The following SUGCT variants were observed in gnomAD, a reference collection of about 807,000 sequenced individuals.
The protein encoded by SUGCT is succinyl-CoA:glutarate-CoA transferase, also known as succinyl-CoA:glutarate CoA-transferase.
Under a neutral mutation model 55.0 loss-of-function variants are expected in SUGCT, and 41 were observed. The ratio of observed to expected loss-of-function variants is 0.74; its 90% CI spans 0.58 to 0.97. The LOEUF (loss-of-function observed/expected upper bound fraction) is 0.97, where lower values mean the gene tolerates loss of function less well. Among genes scored for constraint, SUGCT ranks in the 50% least tolerant of loss-of-function variants. The pLI is 0.00. For missense variants in SUGCT, 568 were observed against 547.8 expected (o/e 1.04, Z -0.37); for synonymous variants, 187 against 200.4 (o/e 0.93, Z 0.56).
At chr7:40,337,553 A>C (rs531347666) in intron 9 of SUGCT, among the ~76,000 whole-genome samples, 28 of 152,222 alleles carry the variant, frequency 1.8e-4, no homozygotes, top group East Asian at 7.7e-4. Flanking sequence ...CTGTTTTATC[A>C]GAGACTAGGA....
chr7:40,354,472 G>T (rs1315624644), intron 9 of SUGCT, among the ~76,000 whole-genome samples: 1 of 152,218 alleles, frequency 6.6e-6, no homozygotes, highest in African/African-American at 2.4e-5. Context: ...CTACCTGGCT[G>T]CTTCTTGAGA....
At chr7:40,981,159 G>A in the SUGCT span, among the ~76,000 whole-genome samples, 1 of 152,152 alleles carries the variant, frequency 6.6e-6, no homozygotes, top group Non-Finnish European at 1.5e-5. Flanking sequence ...TTACGTGGAG[G>A]CAGCCTTGCA....
chr7:40,175,711 A>G (rs956273118), intron 1 of SUGCT, among the ~76,000 whole-genome samples: 1 of 151,926 alleles, frequency 6.6e-6, no homozygotes, highest in Non-Finnish European at 1.5e-5. Flanking sequence ...CTGGGCCATA[A>G]ACAGTGAGAT....
intron 12 of SUGCT, among the ~76,000 whole-genome samples, chr7:40,748,263 A>G (rs1279849643): frequency 6.6e-6 from 1 of 152,178 alleles, no homozygotes; most frequent in African/African-American, 2.4e-5. Context: ...GGTTTAGAAT[A>G]AAGATAGTAT....
At chr7:40,252,264 G>T (rs1244804851) in intron 7 of SUGCT, among the ~76,000 whole-genome samples, 1 of 151,546 alleles carries the variant, frequency 6.6e-6, no homozygotes, top group South Asian at 2.1e-4. Context: ...GGTAGCTGGG[G>T]TATAGGCATG....
At chr7:40,770,131 C>T (rs1789016122) in intron 13 of SUGCT, among the ~76,000 whole-genome samples, 1 of 152,116 alleles carries the variant, frequency 6.6e-6, no homozygotes, top group South Asian at 2.1e-4. Context: ...TGTCAAGTTT[C>T]TTGAAAACAC....
chr7:40,962,040 A>G, the SUGCT span, among the ~76,000 whole-genome samples: 2 of 152,086 alleles, frequency 1.3e-5, no homozygotes, highest in Non-Finnish European at 2.9e-5. Flanking sequence ...GCCTGCTTTT[A>G]TTCCCTTATT....
At chr7:40,383,420 A>G (rs1413776371) in intron 9 of SUGCT, among the ~76,000 whole-genome samples, 1 of 152,214 alleles carries the variant, frequency 6.6e-6, no homozygotes. Context: ...AGACATAGGA[A>G]CATCAGAACA....
chr7:40,492,969 T>C (rs1307951084), intron 11 of SUGCT, among the ~76,000 whole-genome samples: 1 of 152,152 alleles, frequency 6.6e-6, no homozygotes, highest in Non-Finnish European at 1.5e-5. Context: ...TGAATGTGTA[T>C]CAATGTAATA....
intron 13 of SUGCT, among the ~76,000 whole-genome samples, chr7:40,846,386 AAAC>A (rs781316809): frequency 6.7e-6 from 1 of 148,360 alleles, no homozygotes; most frequent in African/African-American, 2.5e-5. Context: ...AAAAAAAAAA[AAAC>A]AGTCAGGAGA....
chr7:40,829,653 G>T (rs1403848698), intron 13 of SUGCT, among the ~76,000 whole-genome samples: 1 of 152,158 alleles, frequency 6.6e-6, no homozygotes, highest in Non-Finnish European at 1.5e-5. Context: ...CACTTTCCAT[G>T]CATGGAGTGG....
the SUGCT span, among the ~76,000 whole-genome samples, chr7:41,030,185 C>CGTT: frequency 1.3e-5 from 2 of 151,870 alleles, no homozygotes; most frequent in Non-Finnish European, 2.9e-5. Flanking sequence ...CACTTTTTGT[C>CGTT]AGTTATGAAT....
intron 12 of SUGCT, among the ~76,000 whole-genome samples, chr7:40,618,995 GA>G (rs1799141247): frequency 6.6e-6 from 1 of 152,128 alleles, no homozygotes; most frequent in South Asian, 2.1e-4. Context: ...AGAATGTGCT[GA>G]AAACCCACCG....
chr7:41,033,760 G>A, the SUGCT span, among the ~76,000 whole-genome samples: 1 of 152,064 alleles, frequency 6.6e-6, no homozygotes, highest in African/African-American at 2.4e-5. Flanking sequence ...TGACTCAGGG[G>A]GTTCCTGAGT....
At chr7:40,436,536 C>CT (rs773544517) in intron 9 of SUGCT, among the ~76,000 whole-genome samples, 3 of 151,968 alleles carry the variant, frequency 2.0e-5, no homozygotes, top group African/African-American at 7.3e-5. Flanking sequence ...TGATTCTTTG[C>CT]TTGTAGGTAG....
chr7:40,532,297 A>G (rs1013098092), intron 12 of SUGCT, among the ~76,000 whole-genome samples: 5 of 152,214 alleles, frequency 3.3e-5, no homozygotes, highest in African/African-American at 9.7e-5. Flanking sequence ...GCCATGCCTT[A>G]TACTCCTTGA....
chr7:41,004,795 A>T, the SUGCT span, among the ~76,000 whole-genome samples: 1 of 69,514 alleles, frequency 1.4e-5, no homozygotes, highest in Non-Finnish European at 3.9e-5. Context: ...ATAATACATT[A>T]CCCTTGTGGA....
intron 9 of SUGCT, among the ~76,000 whole-genome samples, chr7:40,352,358 C>A (rs904454222): frequency 2.6e-5 from 4 of 151,878 alleles, no homozygotes; most frequent in African/African-American, 9.7e-5. Context: ...GGTACATGTG[C>A]AGGTTTGTTA....
intron 13 of SUGCT, among the ~76,000 whole-genome samples, chr7:40,766,429 C>T (rs1040394652): frequency 6.6e-6 from 1 of 152,056 alleles, no homozygotes; most frequent in African/African-American, 2.4e-5. Context: ...AGGCTGGTCT[C>T]GAACTCCTGA....
Sources: gnomAD v4.1 joint callset for allele counts (sites outside exome capture counted in the v4.1 genomes callset) on GRCh38, gnomAD v4.1.1 for gene constraint, MANE v1.5 for transcripts, NCBI Gene and HGNC (gene_info 2026-07-23, HGNC 2026-07-21) for gene names.